MPC2: variants seen among roughly 807,000 people sequenced by gnomAD.
MPC2 encodes the protein mitochondrial pyruvate carrier 2.
In MPC2, 19 loss-of-function variants were observed where a neutral mutation model predicts 19.2. The observed-to-expected ratio is 0.99, with a 90% CI of 0.69 to 1.45. The LOEUF (loss-of-function observed/expected upper bound fraction) is 1.45. Among genes scored for constraint, MPC2 ranks in the 40% most tolerant of loss-of-function variants. The pLI, the probability that MPC2 is intolerant of heterozygous loss-of-function variation, is 0.00. For missense variants in MPC2, 122 were observed against 153.0 expected (o/e 0.80, Z 1.07); for synonymous variants, 61 against 54.3 (o/e 1.12, Z -0.54).
At chr1:167,936,169 C>G in intron 1 of MPC2, 1 of 300,994 alleles carries the variant, frequency 3.3e-6, no homozygotes, top group Non-Finnish European at 6.4e-6. Flanking sequence ...AGCGCGCTTG[C>G]GCAGGCCGAG....
chr1:167,918,713 C>A (rs1378327961), intron 5 of MPC2, among the ~76,000 whole-genome samples: 1 of 151,460 alleles, frequency 6.6e-6, no homozygotes, highest in Admixed American at 6.6e-5. Context: ...CCTGCCTCAG[C>A]CCCCCGAGTA....
At position 167,917,860 on chromosome 1, in the gene MPC2, T is replaced by C. The variant is rs1376973160; in HGVS notation, c.*463A>G. 2 of 152,662 alleles carry C rather than the reference T, an allele frequency of 1.3e-5. No homozygotes were observed. Among genetic ancestry groups the C allele is most frequent in the African/African-American group, 4.8e-5 (2 of 41,472 alleles). 9.5% of individuals were successfully genotyped at this position (152,662 alleles called of 1,614,324 possible). A position where few individuals can be genotyped will look rare whatever the true frequency, so the allele number is the denominator to read the frequency against. ...ATCATCAAGATTCTTCATGGCAAGT[T>C]AAAATGTTTTTAAATAGTTTGAGGT... On this transcript the variant is annotated 3_prime_UTR_variant, in exon 6 of 6. Transcript: ENST00000271373.
intron 2 of MPC2, among the ~76,000 whole-genome samples, chr1:167,935,085 G>A (rs567028474): frequency 6.6e-6 from 1 of 152,204 alleles, no homozygotes; most frequent in East Asian, 1.9e-4. Context: ...TTTGCTCAAG[G>A]TCACAACTAT....
At chr1:167,922,078 A>G (rs1670617400) in intron 3 of MPC2, among the ~76,000 whole-genome samples, 1 of 152,224 alleles carries the variant, frequency 6.6e-6, no homozygotes, top group African/African-American at 2.4e-5. Context: ...TGTCATGTAT[A>G]GAATTCTACA....
rs766134259 is a variant in MPC2, at chr1:167,920,603, A to G, written c.179T>C (p.Met60Thr). 9 of 1,614,006 alleles carry G rather than the reference A, an allele frequency of 5.6e-6. No homozygotes were observed. Among genetic ancestry groups the G allele is most frequent in the African/African-American group, 5.3e-5 (4 of 75,050 alleles). The change falls in exon 4 of 6, where the codon ATG (methionine) becomes ACG (threonine). Residue 60 changes from methionine to threonine, a missense_variant. Transcript: ENST00000271373. ...GCTAAGTTTTTCTGCAGGTCTGGCC[A>G]TATCAGCCAATCCAGCACACACCAA... ...WGLVCAGLAD[M>T]ARPAEKLSTA...
At chr1:167,928,826 G>T (rs1172863175) in intron 2 of MPC2, among the ~76,000 whole-genome samples, 1 of 152,170 alleles carries the variant, frequency 6.6e-6, no homozygotes, top group Non-Finnish European at 1.5e-5. Flanking sequence ...TATGATAAAT[G>T]AAATAACTTG....
Position 167,917,807 on chromosome 1 carries a change from A to G in MPC2, c.*516T>C, listed in dbSNP as rs1670497043. On this transcript the variant is annotated 3_prime_UTR_variant, in exon 6 of 6. Transcript: ENST00000271373. The stretch of plus-strand genomic sequence containing the variant: ...CCTATTTAAAAATCTGTAGCTGTAA[A>G]AGAATTTTATACAACATTTATACAA... 6.6e-6 allele frequency: 1 copy of G among 152,272 alleles called. No individual in the cohort carries two copies. Among genetic ancestry groups the G allele is most frequent in the African/African-American group, 2.4e-5 (1 of 41,414 alleles). The allele number at this position is 152,272 out of a possible 1,614,324, so 9.4% of individuals were successfully genotyped here. A position where few individuals can be genotyped will look rare whatever the true frequency, so the allele number is the denominator to read the frequency against.
intron 2 of MPC2, among the ~76,000 whole-genome samples, chr1:167,930,767 T>C (rs997974912): frequency 6.6e-6 from 1 of 152,338 alleles, no homozygotes; most frequent in Non-Finnish European, 1.5e-5. Context: ...TTAAACATAT[T>C]TCATTCTCTG....
At chr1:167,930,707 AAC>A (rs932348041) in intron 2 of MPC2, among the ~76,000 whole-genome samples, 2 of 152,206 alleles carry the variant, frequency 1.3e-5, no homozygotes, top group East Asian at 3.8e-4. Flanking sequence ...CAACGACTAG[AAC>A]ACAGTTTCTT....
At position 167,936,837 on chromosome 1, in the gene MPC2, T is replaced by C. The variant is rs921346460; in HGVS notation, c.-58+102A>G. ...GATGGTGCCGGTGCGGCTCGGGTGT[T>C]GAAACGGGTGTCCCCTCCCCCTCCT... On this transcript the variant is annotated intron_variant, in intron 1 of 5. Transcript: ENST00000271373. The C allele has an allele frequency of 9.8e-6, 13 of 1,329,378 alleles. No individual in the cohort carries two copies. In the African/African-American group the frequency reaches 1.9e-4, roughly 20 times the overall value. The allele number at this position is 1,329,378 out of a possible 1,614,324, so 82.3% of individuals were successfully genotyped here.
intron 3 of MPC2, 47 bp from the exon 4 acceptor site, chr1:167,920,678 T>C (rs1670578212): frequency 2.6e-6 from 4 of 1,552,054 alleles, no homozygotes; most frequent in Non-Finnish European, 3.5e-6. Context: ...AAATGTGGAG[T>C]AATAGTTTTA....
At chr1:167,924,425 G>T (rs1250728997) in intron 3 of MPC2, 72 bp downstream of exon 3, 10 of 1,281,500 alleles carry the variant, frequency 7.8e-6, no homozygotes. Flanking sequence ...CTTCATAAAA[G>T]TTACTTCAAA....
chr1:167,932,410 T>C (rs1055653444), intron 2 of MPC2, among the ~76,000 whole-genome samples: 2 of 152,258 alleles, frequency 1.3e-5, no homozygotes, highest in Non-Finnish European at 2.9e-5. Flanking sequence ...CAGTGTTTCA[T>C]TGTGTGCACC....
At chr1:167,929,821 G>GGT (rs1670858943) in intron 2 of MPC2, among the ~76,000 whole-genome samples, 1 of 152,052 alleles carries the variant, frequency 6.6e-6, no homozygotes. Context: ...ATATCCCTCT[G>GGT]TGAAAAATAA....
At chr1:167,924,745 G>T (rs116051940) in intron 2 of MPC2, among the ~76,000 whole-genome samples, 2,318 of 152,108 alleles carry the variant, frequency 0.015, 55 homozygotes, top group African/African-American at 0.051. Context: ...AATAACACAG[G>T]TTTGAACTGA....
At chr1:167,935,204 T>C (rs1053245877) in intron 2 of MPC2, among the ~76,000 whole-genome samples, 11 of 152,178 alleles carry the variant, frequency 7.2e-5, no homozygotes, top group African/African-American at 2.4e-4. Flanking sequence ...ACACTGGACC[T>C]ATGGGATGAG....
At chr1:167,918,909 C>T (rs1398511385) in intron 5 of MPC2, among the ~76,000 whole-genome samples, 1 of 152,024 alleles carries the variant, frequency 6.6e-6, no homozygotes, top group African/African-American at 2.4e-5. Flanking sequence ...AAACTTTTAA[C>T]AGCTTAGCTG....
At chr1:167,924,970 A>C (rs1670696215) in intron 2 of MPC2, among the ~76,000 whole-genome samples, 2 of 152,196 alleles carry the variant, frequency 1.3e-5, no homozygotes, top group Non-Finnish European at 2.9e-5. Context: ...TTAAGCAGCA[A>C]AATTTGAAAA....
intron 3 of MPC2, among the ~76,000 whole-genome samples, chr1:167,920,847 G>A (rs894799493): frequency 2.0e-5 from 3 of 152,134 alleles, no homozygotes; most frequent in Admixed American, 6.5e-5. Flanking sequence ...GGTACACTAA[G>A]CAGTCTCACA....
Sources: gnomAD v4.1 joint callset for allele counts (sites outside exome capture counted in the v4.1 genomes callset) on GRCh38, gnomAD v4.1.1 for gene constraint, MANE v1.5 for transcripts, NCBI Gene and HGNC (gene_info 2026-07-23, HGNC 2026-07-21) for gene names.